The following PRKCZ variants were observed in gnomAD, a reference collection of about 807,000 sequenced individuals.
PRKCZ encodes the protein protein kinase C zeta type.
A neutral mutation model predicts 79.5 loss-of-function variants in PRKCZ; 33 were observed. The observed-to-expected ratio is 0.41, with a 90% CI of 0.31 to 0.55. The LOEUF is 0.55. Ranked by LOEUF, PRKCZ falls within the 20% of genes least tolerant of loss-of-function variation. PRKCZ has a pLI of 0.19. For missense variants in PRKCZ, 578 were observed against 813.5 expected, an observed-to-expected ratio of 0.71 and a Z score of 3.52; for synonymous variants, 342 against 320.9, an observed-to-expected ratio of 1.07 and a Z score of -0.70.
At chr1:2,139,342 C>T (rs1676853586) in intron 5 of PRKCZ, among the ~76,000 whole-genome samples, 1 of 152,182 alleles carries the variant, frequency 6.6e-6, no homozygotes, top group African/African-American at 2.4e-5. Context: ...GTAATTCCAG[C>T]ACTTTGGGAG....
rs185371177 is a variant in PRKCZ, at chr1:2,127,941, T to C, written c.335-7321T>C. Among the ~76,000 whole-genome samples the C allele has an allele frequency of 1.2e-4, 19 of 152,260 alleles. No homozygotes were observed. In the East Asian group the frequency reaches 3.7e-3, roughly 29 times the overall value. Reference sequence around the variant, plus strand: ...ATTTGCGGTCATTGCTGTTCTTGTGTCTCTATTTGCCTAGGACATGCTGGC... The same window carrying C: ...ATTTGCGGTCATTGCTGTTCTTGTGCCTCTATTTGCCTAGGACATGCTGGC... On this transcript the variant is annotated intron_variant, in intron 4 of 17. Coordinates refer to ENST00000378567, the MANE Select transcript of PRKCZ (RefSeq NM_002744.6). The surrounding 1 kb of genome is among the most constrained non-coding windows in gnomAD (Gnocchi z 5.1).
intron 4 of PRKCZ, chr1:2,104,823 C>G: frequency 3.0e-6 from 3 of 985,884 alleles, no homozygotes; most frequent in Non-Finnish European, 3.6e-6. Context: ...GGCGCTTCCT[C>G]GCCGGGTGTT....
At chr1:2,062,161 A>T (rs556091812) in intron 4 of PRKCZ, among the ~76,000 whole-genome samples, 17 of 152,290 alleles carry the variant, frequency 1.1e-4, no homozygotes, top group South Asian at 4.1e-4. Flanking sequence ...ATAGATTTTT[A>T]AAAAAATTCT....
Position 2,075,544 on chromosome 1 carries a change from TG to T in PRKCZ, c.334+15958del, listed in dbSNP as rs1245527366. Among the ~76,000 whole-genome samples the T allele has an allele frequency of 6.6e-6, 1 of 152,114 alleles. No individual in the cohort carries two copies. The highest frequency in any genetic ancestry group is 1.5e-5 in the Non-Finnish European group (1 of 68,018). On this transcript the variant is annotated intron_variant, in intron 4 of 17. Coordinates refer to ENST00000378567, the MANE Select transcript of PRKCZ (RefSeq NM_002744.6). The surrounding 1 kb of genome is among the most constrained non-coding windows in gnomAD (Gnocchi z 4.8). ...CTGTCCCAGCTGCATCAGCCATCAG[TG>T]GGGGCCCTTCTCCGACCGTCTTCCT... is the stretch of plus-strand genomic sequence containing the variant.
intron 4 of PRKCZ, among the ~76,000 whole-genome samples, chr1:2,066,526 A>G (rs1019674911): frequency 2.6e-5 from 4 of 152,196 alleles, no homozygotes; most frequent in Admixed American, 1.3e-4. Context: ...TAATTTTAGT[A>G]GAGATGTGGT....
chr1:2,106,880 C>T (rs938084608), intron 4 of PRKCZ, among the ~76,000 whole-genome samples: 7 of 90,216 alleles, frequency 7.8e-5, no homozygotes, highest in African/African-American at 1.3e-4. Context: ...CCCCTCCACA[C>T]GTGTCACCAG....
rs558975753 is a variant in PRKCZ, at chr1:2,052,020, C to T, written c.71+1319C>T. On this transcript the variant is annotated intron_variant, in intron 1 of 17. Transcript: ENST00000378567. ...CAGCCATGTCTTTTGGCCTGGAGGT[C>T]AGCAGGTTAAAACTTGGTATGGTTG... is the stretch of plus-strand genomic sequence containing the variant. 5.9e-5 allele frequency among the ~76,000 whole-genome samples: 9 copies of T among 152,280 alleles called. No homozygotes were observed. The South Asian group carries it at 8.3e-4, about 14-fold the overall frequency.
chr1:2,120,293 GTTTTTTTTTTTTTTT>G (rs59518072), intron 4 of PRKCZ, among the ~76,000 whole-genome samples: 5 of 32,842 alleles, frequency 1.5e-4, no homozygotes, highest in African/African-American at 4.8e-4. Context: ...TTGACTTTTC[GTTTTTTTTTTTTTTT>G]TTTTTTTTTT....
chr1:2,170,500 C>T (rs1684224150), intron 11 of PRKCZ, among the ~76,000 whole-genome samples: 1 of 152,232 alleles, frequency 6.6e-6, no homozygotes, highest in African/African-American at 2.4e-5. Flanking sequence ...TGGCAACACA[C>T]AACATAAAAG....
chr1:2,153,122 G>A (rs1233074955), intron 9 of PRKCZ, among the ~76,000 whole-genome samples: 3 of 152,236 alleles, frequency 2.0e-5, no homozygotes, highest in Non-Finnish European at 4.4e-5. Flanking sequence ...GCCTGTTTCT[G>A]CAGGTCCTCA....
Position 2,173,837 on chromosome 1 carries a change from G to C in PRKCZ, c.1286-60G>C, listed in dbSNP as rs1008519291. The C allele has an allele frequency of 1.4e-5, 21 of 1,516,324 alleles. No individual in the cohort carries two copies. The Admixed American group carries it at 4.3e-4, about 31-fold the overall frequency. The allele number at this position is 1,516,324 out of a possible 1,614,324, so 93.9% of individuals were successfully genotyped here. A position where few individuals can be genotyped will look rare whatever the true frequency, so the allele number is the denominator to read the frequency against. ...GGGCATGAAAACCAACGCCAGCCAGGTTCGTCCTGCTGCCGGCCCATGTGG... is the reference window on the plus strand; with the variant it reads ...GGGCATGAAAACCAACGCCAGCCAGCTTCGTCCTGCTGCCGGCCCATGTGG... On this transcript the variant is annotated intron_variant, in intron 13 of 17. Transcript: ENST00000378567. The surrounding 1 kb of genome is among the most constrained non-coding windows in gnomAD (Gnocchi z 5.7).
chr1:2,074,294 G>T, intron 4 of PRKCZ: 1 of 1,549,406 alleles, frequency 6.5e-7, no homozygotes, highest in East Asian at 2.4e-5. Flanking sequence ...CCCAGGCCTG[G>T]TGGATGTGTG....
Position 2,144,201 on chromosome 1 carries a change from C to T in PRKCZ, c.421-9C>T. ...TGGCCTGGGCCTGACGCTCTGTTCCCACCTGCAGAGAGCGTACTGCGGTCA... is the reference window on the plus strand; with the variant it reads ...TGGCCTGGGCCTGACGCTCTGTTCCTACCTGCAGAGAGCGTACTGCGGTCA... On this transcript the variant is annotated splice_polypyrimidine_tract_variant and intron_variant, in intron 5 of 17. Coordinates refer to ENST00000378567, the MANE Select transcript of PRKCZ (RefSeq NM_002744.6). 5.2e-6 allele frequency: 8 copies of T among 1,551,580 alleles called. No homozygotes were observed. Among genetic ancestry groups the T allele is most frequent in the Non-Finnish European group, 7.0e-6 (8 of 1,146,922 alleles).
intron 4 of PRKCZ, among the ~76,000 whole-genome samples, chr1:2,115,571 A>T (rs189412819): frequency 6.6e-6 from 1 of 152,182 alleles, no homozygotes; most frequent in Admixed American, 6.5e-5. Context: ...TGAAGGGCTC[A>T]TTCCCACAAG....
chr1:2,053,507 C>T (rs766826800), intron 1 of PRKCZ, among the ~76,000 whole-genome samples: 2 of 152,214 alleles, frequency 1.3e-5, no homozygotes, highest in Non-Finnish European at 2.9e-5. Flanking sequence ...CAGCTGGCTG[C>T]TGGGTGCTGA....
At chr1:2,146,878 G>T (rs79531525) in intron 7 of PRKCZ, among the ~76,000 whole-genome samples, 1 of 152,032 alleles carries the variant, frequency 6.6e-6, no homozygotes, top group East Asian at 1.9e-4. Context: ...ATATTCATCC[G>T]TACATCATCC....
At chr1:2,098,556 G>C (rs916140510) in intron 4 of PRKCZ, 3 of 114,354 alleles carry the variant, frequency 2.6e-5, no homozygotes, top group Admixed American at 8.6e-5. Context: ...TGTGAGGCTG[G>C]TGAGAGGGTG....
intron 4 of PRKCZ, among the ~76,000 whole-genome samples, chr1:2,114,019 C>T (rs753356432): frequency 3.4e-4 from 52 of 152,140 alleles, no homozygotes; most frequent in Admixed American, 1.3e-4. Flanking sequence ...GGAGAGCGGG[C>T]GCCATGTTGT....
At chr1:2,180,507 T>G (rs113136033) in intron 16 of PRKCZ, among the ~76,000 whole-genome samples, 1 of 144,474 alleles carries the variant, frequency 6.9e-6, no homozygotes, top group Admixed American at 6.8e-5. Context: ...GACGCACAGA[T>G]GACGTGGACG....
Sources: allele counts gnomAD v4.1 joint callset (sites outside exome capture counted in the v4.1 genomes callset), GRCh38; gene constraint gnomAD v4.1.1; non-coding constraint Gnocchi (gnomAD v3.1); transcripts MANE v1.5; gene names NCBI Gene and HGNC (gene_info 2026-07-23, HGNC 2026-07-21).